LINGO2: variants seen among roughly 807,000 people sequenced by gnomAD.
The protein encoded by LINGO2 is leucine rich repeat and Ig domain containing 2.
Under a neutral mutation model 30.6 loss-of-function variants are expected in LINGO2, and 14 were observed. That is an observed-to-expected ratio of 0.46 (90% CI 0.30 to 0.72). The LOEUF is 0.72. Among genes scored for constraint, LINGO2 ranks in the 30% least tolerant of loss-of-function variants. LINGO2 has a pLI of 0.07. For synonymous variants in LINGO2, 317 were observed against 288.5 expected (o/e 1.10, Z -1.00); for missense variants, 729 against 751.7 (o/e 0.97, Z 0.35).
At chr9:28,231,000 G>A (rs1821335149) in intron 4 of LINGO2, among the ~76,000 whole-genome samples, 1 of 151,744 alleles carries the variant, frequency 6.6e-6, no homozygotes, top group African/African-American at 2.4e-5. Flanking sequence ...TCTCAGCTAT[G>A]ACCACTATTT....
intron 4 of LINGO2, among the ~76,000 whole-genome samples, chr9:28,103,930 T>A (rs1316678243): frequency 6.6e-6 from 1 of 152,290 alleles, no homozygotes; most frequent in Non-Finnish European, 1.5e-5. Context: ...TATGTTGACT[T>A]ATACCAATCA....
the LINGO2 span, among the ~76,000 whole-genome samples, chr9:29,112,320 G>T: frequency 1.3e-5 from 2 of 152,038 alleles, no homozygotes; most frequent in Non-Finnish European, 2.9e-5. Flanking sequence ...GCAATTTTTT[G>T]GGCTCCAGCT....
At chr9:28,192,676 G>A (rs73445950) in intron 4 of LINGO2, among the ~76,000 whole-genome samples, 5,415 of 152,088 alleles carry the variant, frequency 0.036, 288 homozygotes, top group African/African-American at 0.12. Context: ...AATGTTCTAC[G>A]GGTCATAATT....
the LINGO2 span, among the ~76,000 whole-genome samples, chr9:29,113,642 G>C: frequency 0.24 from 35,766 of 152,074 alleles, 4,348 homozygotes; most frequent in East Asian, 0.41. Flanking sequence ...GCCCACCTCA[G>C]CAGCAGACAA....
At chr9:28,668,623 A>C (rs1039323744) in intron 1 of LINGO2, among the ~76,000 whole-genome samples, 4 of 152,044 alleles carry the variant, frequency 2.6e-5, no homozygotes, top group African/African-American at 9.7e-5. Flanking sequence ...TCACAATCAG[A>C]GATATATTGT....
intron 1 of LINGO2, among the ~76,000 whole-genome samples, chr9:28,590,705 T>G (rs1434632947): frequency 1.3e-5 from 2 of 152,162 alleles, no homozygotes; most frequent in Non-Finnish European, 2.9e-5. Context: ...TTTACACTGT[T>G]GGCGGGACTG....
the LINGO2 span, among the ~76,000 whole-genome samples, chr9:28,998,357 G>A: frequency 6.6e-6 from 1 of 152,154 alleles, no homozygotes; most frequent in African/African-American, 2.4e-5. Flanking sequence ...GGAGAGTGAA[G>A]TTGAGATCTG....
At chr9:28,666,420 T>C (rs980164498) in intron 1 of LINGO2, among the ~76,000 whole-genome samples, 3 of 152,166 alleles carry the variant, frequency 2.0e-5, no homozygotes, top group Non-Finnish European at 4.4e-5. Context: ...GCCAACACTT[T>C]ATCCAATCTA....
chr9:28,633,266 CTCAA>C (rs1827087487), intron 1 of LINGO2, among the ~76,000 whole-genome samples: 1 of 152,000 alleles, frequency 6.6e-6, no homozygotes, highest in South Asian at 2.1e-4. Context: ...CTTTGTATCC[CTCAA>C]TTCAGTCAAG....
At chr9:28,027,186 C>G (rs976973921) in intron 4 of LINGO2, among the ~76,000 whole-genome samples, 1 of 152,190 alleles carries the variant, frequency 6.6e-6, no homozygotes, top group Non-Finnish European at 1.5e-5. Flanking sequence ...TGGATTTACT[C>G]TATGCCAGAA....
At chr9:29,164,098 T>C in the LINGO2 span, among the ~76,000 whole-genome samples, 1 of 143,326 alleles carries the variant, frequency 7.0e-6, no homozygotes, top group Non-Finnish European at 1.5e-5. Context: ...TGAAGGGGCC[T>C]ACATGGAGGA....
chr9:28,957,172 G>T, the LINGO2 span, among the ~76,000 whole-genome samples: 674 of 152,176 alleles, frequency 4.4e-3, 3 homozygotes, highest in Non-Finnish European at 7.4e-3. Flanking sequence ...CATCAGCATC[G>T]CACTAAGACA....
chr9:28,148,698 G>C lies in LINGO2; in HGVS notation c.-86-136293C>G. Reference sequence around the variant, plus strand: ...GTGAGTTTCTACTCCAACGGCCATGGAGTCGCCAGTTCACACAGCCCTGCT... The same window carrying C: ...GTGAGTTTCTACTCCAACGGCCATGCAGTCGCCAGTTCACACAGCCCTGCT... On this transcript the variant is annotated intron_variant, in intron 4 of 5. Transcript: ENST00000379992. This position sits in a 1 kb window ranked among gnomAD's most constrained non-coding sequence, Gnocchi z 5.1. The C allele has an allele frequency of 2.0e-6, 3 of 1,533,828 alleles. No homozygotes were observed. In the South Asian group the frequency reaches 3.6e-5, roughly 18 times the overall value.
intron 4 of LINGO2, among the ~76,000 whole-genome samples, chr9:28,137,772 A>C (rs992896895): frequency 6.6e-6 from 1 of 152,146 alleles, no homozygotes; most frequent in Admixed American, 6.5e-5. Context: ...ACATAATCAA[A>C]CTTTTTATAA....
chr9:28,441,390 C>G (rs948402161), intron 2 of LINGO2, among the ~76,000 whole-genome samples: 9 of 148,260 alleles, frequency 6.1e-5, no homozygotes, highest in Non-Finnish European at 1.3e-4. Context: ...AAATCTACCA[C>G]TTTGTTCATC....
chr9:28,164,577 C>T (rs956695607), intron 4 of LINGO2, among the ~76,000 whole-genome samples: 1 of 152,066 alleles, frequency 6.6e-6, no homozygotes, highest in African/African-American at 2.4e-5. Flanking sequence ...AAATAATGAA[C>T]TATATTGGAG....
intron 2 of LINGO2, among the ~76,000 whole-genome samples, chr9:28,472,354 A>C (rs1358207108): frequency 2.6e-5 from 4 of 152,012 alleles, no homozygotes; most frequent in Non-Finnish European, 5.9e-5. Flanking sequence ...TTCACACATG[A>C]ATAATTACTC....
At chr9:28,053,185 A>G (rs557712216) in intron 4 of LINGO2, among the ~76,000 whole-genome samples, 1 of 152,170 alleles carries the variant, frequency 6.6e-6, no homozygotes, top group South Asian at 2.1e-4. Context: ...AGACTAGGTG[A>G]TATCTATACA....
intron 4 of LINGO2, among the ~76,000 whole-genome samples, chr9:28,227,796 C>T (rs1587272831): frequency 1.3e-5 from 2 of 152,084 alleles, no homozygotes; most frequent in East Asian, 1.9e-4. Context: ...GAATGCCTAG[C>T]TTGCCATATG....
Sources: allele counts gnomAD v4.1 joint callset (sites outside exome capture counted in the v4.1 genomes callset), GRCh38; gene constraint gnomAD v4.1.1; non-coding constraint Gnocchi (gnomAD v3.1); transcripts MANE v1.5; gene names NCBI Gene and HGNC (gene_info 2026-07-23, HGNC 2026-07-21).